Variants in PCCA observed in about 807,000 individuals in gnomAD.
PCCA encodes the protein propionyl-CoA carboxylase alpha chain, mitochondrial.
Under a neutral mutation model 101.3 loss-of-function variants are expected in PCCA, and 74 were observed. The observed-to-expected ratio is 0.73, with a 90% confidence interval of 0.61 to 0.89. The LOEUF is 0.89. Among genes scored for constraint, PCCA ranks in the 40% least tolerant of loss-of-function variants. The pLI is 0.00. For synonymous variants in PCCA, 294 were observed against 313.6 expected (o/e 0.94, Z 0.66); for missense variants, 891 against 907.0 (o/e 0.98, Z 0.23).
chr13:100,278,908 A>G (rs1282202532), intron 12 of PCCA, among the ~76,000 whole-genome samples: 1 of 152,228 alleles, frequency 6.6e-6, no homozygotes, highest in Non-Finnish European at 1.5e-5. Flanking sequence ...AAATATTTCA[A>G]GAAAAAAAAT....
chr13:100,291,831 C>G (rs2065147987), intron 12 of PCCA, among the ~76,000 whole-genome samples: 1 of 152,194 alleles, frequency 6.6e-6, no homozygotes, highest in South Asian at 2.1e-4. Flanking sequence ...TGACTTTTCC[C>G]CTGAGGTCCA....
At chr13:100,436,105 G>C (rs925298481) in intron 20 of PCCA, among the ~76,000 whole-genome samples, 2 of 151,948 alleles carry the variant, frequency 1.3e-5, no homozygotes, top group African/African-American at 4.8e-5. Context: ...GTGTGGGAGC[G>C]AGCCTGAGCA....
intron 12 of PCCA, among the ~76,000 whole-genome samples, chr13:100,274,202 A>C (rs2063490825): frequency 6.6e-6 from 1 of 152,122 alleles, no homozygotes. Context: ...AATTACGCAT[A>C]CCTAAGCAGC....
Position 100,446,350 on chromosome 13 carries a change from C to T in PCCA, c.1846-2902C>T, listed in dbSNP as rs142604794. Among the ~76,000 whole-genome samples the T allele has an allele frequency of 4.2e-3, 633 of 152,248 alleles. 5 individuals are homozygous for T. The highest frequency in any genetic ancestry group is 0.014 in the African/African-American group (583 of 41,544). On this transcript the variant is annotated intron_variant, in intron 20 of 23. Transcript: ENST00000376285. ...CTGCCCCTGTTTGTTTTTAAATATC[C>T]AGCTTTAATGTCTGTCTTAACCTAT...
intron 18 of PCCA, among the ~76,000 whole-genome samples, chr13:100,367,308 C>T (rs1260927281): frequency 2.0e-5 from 3 of 152,008 alleles, no homozygotes; most frequent in African/African-American, 7.3e-5. Context: ...TAACATTGTT[C>T]ATAGATATGG....
At chr13:100,144,923 G>A (rs1229635927) in intron 4 of PCCA, among the ~76,000 whole-genome samples, 1 of 152,206 alleles carries the variant, frequency 6.6e-6, no homozygotes, top group Non-Finnish European at 1.5e-5. Flanking sequence ...GGAGAGGATG[G>A]CTGCAAAGAT....
intron 6 of PCCA, among the ~76,000 whole-genome samples, chr13:100,206,863 G>A (rs1399617392): frequency 2.6e-5 from 4 of 152,058 alleles, no homozygotes; most frequent in African/African-American, 7.2e-5. Flanking sequence ...TGGAAGAGAG[G>A]AGCATCCTCA....
At chr13:100,477,079 C>T (rs1015244457) in intron 21 of PCCA, among the ~76,000 whole-genome samples, 1 of 152,106 alleles carries the variant, frequency 6.6e-6, no homozygotes, top group African/African-American at 2.4e-5. Context: ...GGGTAATGAC[C>T]GAGGGCACCT....
intron 7 of PCCA, 99 bp downstream of exon 7, chr13:100,209,562 A>C (rs529475908): frequency 1.2e-5 from 10 of 812,506 alleles, no homozygotes; most frequent in Admixed American, 3.6e-5. Context: ...TGGGATATAC[A>C]CACACACACA....
intron 8 of PCCA, chr13:100,236,896 A>G (rs1226370753): frequency 6.6e-6 from 1 of 152,234 alleles, no homozygotes; most frequent in Admixed American, 6.5e-5. Context: ...AGGTTTAATA[A>G]TCAAATCAGT....
At chr13:100,418,223 A>G (rs2078506842) in intron 19 of PCCA, among the ~76,000 whole-genome samples, 1 of 152,106 alleles carries the variant, frequency 6.6e-6, no homozygotes, top group South Asian at 2.1e-4. Flanking sequence ...CTCTGCCTCC[A>G]CCTTCCCTAT....
In PCCA at chr13:100,141,359, A is replaced by G. The variant is rs74524616; in HGVS notation, c.301-13620A>G. ...ATCCAGTTTTATTGTTCAATAGCCA[A>G]TTCTCTGTGAAACCATTTGTACATG... On this transcript the variant is annotated intron_variant, in intron 4 of 23. Coordinates refer to ENST00000376285, the MANE Select transcript of PCCA (RefSeq NM_000282.4). 7.1e-3 allele frequency among the ~76,000 whole-genome samples: 1,087 copies of G among 152,130 alleles called. 13 individuals are homozygous for G. Among genetic ancestry groups the G allele is most frequent in the African/African-American group, 0.025 (1,037 of 41,512 alleles).
intron 7 of PCCA, among the ~76,000 whole-genome samples, chr13:100,213,481 G>A (rs1322341618): frequency 1.3e-5 from 2 of 152,198 alleles, no homozygotes; most frequent in Non-Finnish European, 2.9e-5. Flanking sequence ...CTGATGATCA[G>A]TGATGTTGAG....
chr13:100,220,729 G>C (rs922157667), intron 7 of PCCA, among the ~76,000 whole-genome samples: 1 of 152,164 alleles, frequency 6.6e-6, no homozygotes, highest in Non-Finnish European at 1.5e-5. Flanking sequence ...TTTATAAAGA[G>C]AAGACCATGA....
intron 19 of PCCA, among the ~76,000 whole-genome samples, chr13:100,392,433 AAAAC>A (rs1257552061): frequency 6.6e-6 from 1 of 152,242 alleles, no homozygotes; most frequent in African/African-American, 2.4e-5. Flanking sequence ...GTGATTAAAG[AAAAC>A]AATGATTTTA....
At chr13:100,131,635 TTA>T (rs1491280432) in intron 4 of PCCA, among the ~76,000 whole-genome samples, 1 of 152,234 alleles carries the variant, frequency 6.6e-6, no homozygotes, top group Non-Finnish European at 1.5e-5. Flanking sequence ...ATGCTTTTTT[TTA>T]TACAGTGTTT....
chr13:100,201,199 A>G (rs34453394), intron 6 of PCCA, among the ~76,000 whole-genome samples: 12,329 of 152,250 alleles, frequency 0.081, 668 homozygotes, highest in Middle Eastern at 0.2. Context: ...GGTTTTATAT[A>G]TATATCTCCT....
At chr13:100,187,398 C>G (rs1220702164) in intron 6 of PCCA, among the ~76,000 whole-genome samples, 1 of 151,984 alleles carries the variant, frequency 6.6e-6, no homozygotes, top group Non-Finnish European at 1.5e-5. Context: ...GGTTTTTGGG[C>G]AGATATGGGA....
chr13:100,115,544 A>G (rs965114986), intron 4 of PCCA, among the ~76,000 whole-genome samples: 4 of 152,174 alleles, frequency 2.6e-5, no homozygotes, highest in African/African-American at 9.7e-5. Context: ...CCATAAACAT[A>G]TACACCTCCT....
Sources: allele counts gnomAD v4.1 joint callset (sites outside exome capture counted in the v4.1 genomes callset), GRCh38; gene constraint gnomAD v4.1.1; transcripts MANE v1.5; gene names NCBI Gene and HGNC (gene_info 2026-07-23, HGNC 2026-07-21).